The following SLC34A3 variants were observed in gnomAD, a reference collection of about 807,000 sequenced individuals.
The protein encoded by SLC34A3 is solute carrier family 34 member 3.
A neutral mutation model predicts 43.9 loss-of-function variants in SLC34A3; 60 were observed. The ratio of observed to expected loss-of-function variants is 1.37; its 90% CI spans 1.11 to 1.70. The LOEUF is 1.70. Ranked by LOEUF, SLC34A3 falls within the 40% of genes most tolerant of loss-of-function variation. The probability of loss-of-function intolerance (pLI) is 0.00; values close to 1 mark genes in which losing one functional copy is unlikely to be tolerated. For synonymous variants in SLC34A3, 451 were observed against 386.2 expected, an observed-to-expected ratio of 1.17 and a Z score of -1.97; for missense variants, 969 against 823.8, an observed-to-expected ratio of 1.18 and a Z score of -2.16.
chr9:137,235,854 T>TG (rs1836563346), intron 12 of SLC34A3, 98 bp from the exon 13 acceptor site: 1 of 1,093,966 alleles, frequency 9.1e-7, no homozygotes, highest in African/African-American at 1.6e-5. Flanking sequence ...ACTTCAGACT[T>TG]GGCGCTCCTT....
rs755171146 is a variant in SLC34A3 at position 137,233,874 on chromosome 9, C to T, written c.858C>T (p.Asn286=). Residue 286 remains asparagine (N), a synonymous_variant, in exon 9 of 13, where the codon AAC becomes AAT. Coordinates refer to ENST00000673835, the MANE Select transcript of SLC34A3 (RefSeq NM_001177316.2). The stretch of plus-strand genomic sequence containing the variant: ...CCTGCCCTCCCCAGACCCAGGAGAA[C>T]AGCAGCTGTGGCGCCTTCGGCCCGT... The part of the protein sequence containing the change: ...CGTTGQPTQE[N]SSCGAFGPCT... 1.1e-5 allele frequency: 18 copies of T among 1,606,642 alleles called. No homozygotes were observed. Among genetic ancestry groups the T allele is most frequent in the Non-Finnish European group, 1.4e-5 (16 of 1,178,416 alleles).
chr9:137,233,779 T>TTGGCGG, intron 8 of SLC34A3, 57 bp downstream of exon 8: 3 of 1,445,818 alleles, frequency 2.1e-6, no homozygotes, highest in Non-Finnish European at 2.9e-6. Flanking sequence ...TGCTGAGTCA[T>TTGGCGG]CCCGCCCCAC....
Position 137,236,124 on chromosome 9 carries a change from C to A in SLC34A3, c.1508C>A (p.Ala503Asp). Residue 503 changes from alanine to aspartate, a missense_variant, in exon 13 of 13, where the codon GCC becomes GAC. Ala to Asp is a moderately radical substitution (Grantham distance 126). Coordinates refer to ENST00000673835, the MANE Select transcript of SLC34A3 (RefSeq NM_001177316.2). ...LLGFLLLPLA[A>D]FGLSLAGGME... ...GGATTCCTGCTGCTGCCCCTGGCGG[C>A]CTTCGGGCTCTCCCTGGCAGGGGGC... 8.1e-6 allele frequency: 13 copies of A among 1,611,304 alleles called. No homozygotes were observed. Among genetic ancestry groups the A allele is most frequent in the Non-Finnish European group, 1.1e-5 (13 of 1,179,540 alleles).
intron 3 of SLC34A3, 32 bp downstream of exon 3, chr9:137,232,193 G>T: frequency 1.3e-6 from 2 of 1,596,020 alleles, no homozygotes; most frequent in Non-Finnish European, 1.7e-6. Flanking sequence ...GTGGCAGGCT[G>T]GCAGGCCTCT....
rs1032665003 is a variant in SLC34A3 at position 137,234,804 on chromosome 9, A to C, written c.1335+73A>C. The stretch of plus-strand genomic sequence containing the variant: ...GCCCCACAGACAGGAGTGTGTCACC[A>C]GCCCCGGGGCCCTAGGCTGGCTGTG... On this transcript the variant is annotated intron_variant, in intron 12 of 12. Coordinates refer to ENST00000673835, the MANE Select transcript of SLC34A3 (RefSeq NM_001177316.2). The surrounding 1 kb of genome is among the most constrained non-coding windows in gnomAD (Gnocchi z 6.9). 18 of 1,595,366 alleles carry C rather than the reference A, an allele frequency of 1.1e-5. No homozygotes were observed. The highest frequency in any genetic ancestry group is 1.5e-5 in the Non-Finnish European group (18 of 1,177,782).
At chr9:137,230,066 G>A (rs1422254985), upstream of SLC34A3, among the ~76,000 whole-genome samples, 1 of 152,208 alleles carries the variant, frequency 6.6e-6, no homozygotes, top group Non-Finnish European at 1.5e-5. Context: ...CACAGCGGGG[G>A]CTGGGCAGCA....
At chr9:137,233,804 A>T (rs975326998) in intron 8 of SLC34A3, 59 bp from the exon 9 acceptor site, 17 of 476,698 alleles carry the variant, frequency 3.6e-5, no homozygotes, top group Admixed American at 1.5e-4. Context: ...CCTCACCTCG[A>T]GCCCTCTGAC....
rs1836603070 is a variant in SLC34A3, at chr9:137,236,419, G to GGCAGTT, written c.*6_*11dup. 5.2e-6 allele frequency: 8 copies of GGCAGTT among 1,536,276 alleles called. No homozygotes were observed. The highest frequency in any genetic ancestry group is 7.0e-6 in the Non-Finnish European group (8 of 1,146,416). On this transcript the variant is annotated 3_prime_UTR_variant, in exon 13 of 13. Coordinates refer to ENST00000673835, the MANE Select transcript of SLC34A3 (RefSeq NM_001177316.2). ...TCTTGGCCTCCCAGCAGTTGTGACG[G>GGCAGTT]GCAGTTGCTGAGCAGACCGCCCCAC...
chr9:137,233,960 CAAGCCCCCTACA>C lies in SLC34A3; in HGVS notation c.925+20_925+31del. On this transcript the variant is annotated intron_variant, in intron 9 of 12. Coordinates refer to ENST00000673835, the MANE Select transcript of SLC34A3 (RefSeq NM_001177316.2). Reference sequence around the variant, plus strand: ...CTGCCCTGTGAGGCCCGGCCCACCCCAAGCCCCCTACACCCCCCACACTCCCCCTCACCGGCC... The same window carrying C: ...CTGCCCTGTGAGGCCCGGCCCACCCCCCCCCCACACTCCCCCTCACCGGCC... 6.6e-7 allele frequency: 1 copy of C among 1,519,056 alleles called. No individual in the cohort carries two copies. 94.1% of individuals were successfully genotyped at this position (1,519,056 alleles called of 1,614,324 possible). A position where few individuals can be genotyped will look rare whatever the true frequency, so the allele number is the denominator to read the frequency against.
rs776608897 is a variant in SLC34A3, at chr9:137,232,684, C to T, written c.285C>T (p.Ser95=). 2.4e-5 allele frequency: 39 copies of T among 1,612,914 alleles called. No homozygotes were observed. In the South Asian group the frequency reaches 3.5e-4, roughly 15 times the overall value. The change falls in exon 4 of 13, where the codon TCC becomes TCT. Residue 95 remains serine, a synonymous_variant. Coordinates refer to ENST00000673835, the MANE Select transcript of SLC34A3 (RefSeq NM_001177316.2). ...FFICSLDVLS[S]AFQLLGSKVA... is the part of the protein sequence containing the mutation. ...TCTGCTCTCTGGACGTCCTCAGCTC[C>T]GCCTTCCAGCTGCTGGGCAGTGAGT...
chr9:137,230,932 C>G lies in SLC34A3; in HGVS notation c.-46C>G, dbSNP rs1037900006. 1 of 152,460 alleles carries G rather than the reference C, an allele frequency of 6.6e-6. No individual in the cohort carries two copies. The highest frequency in any genetic ancestry group is 2.4e-5 in the African/African-American group (1 of 41,444). The allele number at this position is 152,460 out of a possible 1,614,324, so 9.4% of individuals were successfully genotyped here. ...TCCCTGCAGGTGCCCCCTCACCACC[C>G]ACACAGGTAGGAGCTCCTAGGACCA... is the stretch of plus-strand genomic sequence containing the variant. On this transcript the variant is annotated 5_prime_UTR_variant, in exon 1 of 13. Coordinates refer to ENST00000673835, the MANE Select transcript of SLC34A3 (RefSeq NM_001177316.2).
rs750854763 is a variant in SLC34A3, at chr9:137,234,073, C to G, written c.926-36C>G. ...GCCCGGCCCACCCCGGCCCACCCCC[C>G]AGGCTCCCCCTCACCTGCCCCTGCC... On this transcript the variant is annotated intron_variant, in intron 9 of 12. Transcript: ENST00000673835. The surrounding 1 kb of genome is among the most constrained non-coding windows in gnomAD (Gnocchi z 6.9). The G allele has an allele frequency of 4.7e-5, 70 of 1,502,060 alleles. No individual in the cohort carries two copies. In the South Asian group the frequency reaches 5.7e-4, roughly 12 times the overall value. 93.0% of individuals were successfully genotyped at this position (1,502,060 alleles called of 1,614,324 possible).
Position 137,236,429 on chromosome 9 carries a change from GAGCAGACC to G in SLC34A3, c.*14_*21del, listed in dbSNP as rs1836603664. On this transcript the variant is annotated 3_prime_UTR_variant, in exon 13 of 13. Coordinates refer to ENST00000673835, the MANE Select transcript of SLC34A3 (RefSeq NM_001177316.2). ...CCAGCAGTTGTGACGGGCAGTTGCT[GAGCAGACC>G]GCCCCACCCTCCCCGGCTGGGAGGG... 4.6e-6 allele frequency: 7 copies of G among 1,534,982 alleles called. No homozygotes were observed. Among genetic ancestry groups the G allele is most frequent in the Non-Finnish European group, 6.1e-6 (7 of 1,145,618 alleles).
At position 137,234,163 on chromosome 9, in the gene SLC34A3, T is replaced by C. The variant is rs1836433909; in HGVS notation, c.980T>C (p.Leu327Pro). ...ELTDLAVGCI[L>P]LAGSLLVLCG... ...ACGGACCTGGCCGTGGGCTGCATCC[T>C]GCTGGCCGGCTCCCTGCTGGTGCTC... Residue 327 changes from leucine (L) to proline (P), a missense_variant, in exon 10 of 13, where the codon CTG (leucine) becomes CCG (proline). Physicochemically the swap from Leu to Pro is moderately conservative, Grantham distance 98. Coordinates refer to ENST00000673835, the MANE Select transcript of SLC34A3 (RefSeq NM_001177316.2). The surrounding 1 kb of genome is among the most constrained non-coding windows in gnomAD (Gnocchi z 6.9). 6.2e-7 allele frequency: 1 copy of C among 1,602,922 alleles called. No individual in the cohort carries two copies. The highest frequency in any genetic ancestry group is 8.5e-7 in the Non-Finnish European group (1 of 1,178,150).
chr9:137,236,322 G>C lies in SLC34A3; in HGVS notation c.1706G>C (p.Cys569Ser), dbSNP rs1836594848. 3.2e-6 allele frequency: 5 copies of C among 1,542,498 alleles called. No homozygotes were observed. The highest frequency in any genetic ancestry group is 3.5e-6 in the Non-Finnish European group (4 of 1,146,798). ...LEPWDRLVTRCCPCNVCSPPK... is the reference protein window; with the variant it reads ...LEPWDRLVTRSCPCNVCSPPK... ...CCCTGGGACCGCCTGGTGACCCGCTGCTGCCCCTGCAACGTCTGCAGCCCC... is the reference window on the plus strand; with the variant it reads ...CCCTGGGACCGCCTGGTGACCCGCTCCTGCCCCTGCAACGTCTGCAGCCCC... Residue 569 changes from cysteine (C) to serine (S), a missense_variant, in exon 13 of 13, where the codon TGC (cysteine) becomes TCC (serine). Physicochemically the swap from Cys to Ser is moderately radical, Grantham distance 112. Transcript: ENST00000673835.
In SLC34A3 at chr9:137,231,796, G is replaced by A; in HGVS notation, c.85+9G>A. On this transcript the variant is annotated intron_variant, in intron 2 of 12. Transcript: ENST00000673835. ...GACTCTGAGGAATGAAGGTACCAGT[G>A]GCCCCTGTGCCCCAGGCCTTCACCA... 3.7e-6 allele frequency: 6 copies of A among 1,612,044 alleles called. No individual in the cohort carries two copies. Among genetic ancestry groups the A allele is most frequent in the Non-Finnish European group, 4.2e-6 (5 of 1,179,000 alleles).
intron 5 of SLC34A3, 26 bp downstream of exon 5, chr9:137,232,953 G>C (rs1836325151): frequency 3.1e-6 from 5 of 1,606,384 alleles, no homozygotes; most frequent in Non-Finnish European, 3.4e-6. Context: ...CTCCCCGGGT[G>C]GTGGGGGGGG....
rs112695368 is a variant in SLC34A3, at chr9:137,231,952, C to T, written c.86-120C>T. The T allele has an allele frequency of 0.013, 15,573 of 1,169,576 alleles. 141 individuals are homozygous for T. Among genetic ancestry groups the T allele is most frequent in the Non-Finnish European group, 0.016 (12,632 of 776,092 alleles). 72.4% of individuals were successfully genotyped at this position (1,169,576 alleles called of 1,614,324 possible). A position where few individuals can be genotyped will look rare whatever the true frequency, so the allele number is the denominator to read the frequency against. ...AGCTGGAGCCCCATCTTCCCCGTTC[C>T]GTTTCTGTCCCTCACTCCAGGCCTC... is the stretch of plus-strand genomic sequence containing the variant. On this transcript the variant is annotated intron_variant, in intron 2 of 12. Transcript: ENST00000673835.
rs748433621 is a variant in SLC34A3, at chr9:137,234,144, C to T, written c.961C>T (p.Leu321=). ...GTTTGCGGGCACGGAGCTCACGGAC[C>T]TGGCCGTGGGCTGCATCCTGCTGGC... ...HLFAGTELTD[L]AVGCILLAGS... The change falls in exon 10 of 13, where the codon CTG becomes TTG. Residue 321 remains leucine (L), a synonymous_variant. Transcript: ENST00000673835. The surrounding 1 kb of genome is among the most constrained non-coding windows in gnomAD (Gnocchi z 6.9). The T allele has an allele frequency of 6.3e-7, 1 of 1,598,320 alleles. No individual in the cohort carries two copies. Among genetic ancestry groups the T allele is most frequent in the South Asian group, 1.1e-5 (1 of 89,948 alleles).
Sources: allele counts gnomAD v4.1 joint callset (sites outside exome capture counted in the v4.1 genomes callset), GRCh38; gene constraint gnomAD v4.1.1; non-coding constraint Gnocchi (gnomAD v3.1); transcripts MANE v1.5; gene names NCBI Gene and HGNC (gene_info 2026-07-23, HGNC 2026-07-21).